Variants in ZCWPW2 observed in about 807,000 individuals in gnomAD.
ZCWPW2 encodes zinc finger CW-type PWWP domain protein 2.
In ZCWPW2, 45 loss-of-function variants were observed where a neutral mutation model predicts 46.6. That is an observed-to-expected ratio of 0.96 (90% CI 0.76 to 1.24). The LOEUF is 1.24. Ranked by LOEUF, ZCWPW2 falls within the 50% of genes most tolerant of loss-of-function variation. ZCWPW2 has a pLI of 0.00. For synonymous variants in ZCWPW2, 152 were observed against 137.1 expected, an observed-to-expected ratio of 1.11 and a Z score of -0.76; for missense variants, 429 against 403.9, an observed-to-expected ratio of 1.06 and a Z score of -0.53.
intron 4 of ZCWPW2, among the ~76,000 whole-genome samples, chr3:28,438,230 A>G (rs897973643): frequency 6.6e-6 from 1 of 152,214 alleles, no homozygotes; most frequent in Non-Finnish European, 1.5e-5. Flanking sequence ...AGCTACTGTT[A>G]TTGTAATCTC....
chr3:28,403,182 T>C (rs1392624546), intron 2 of ZCWPW2, among the ~76,000 whole-genome samples: 1 of 152,116 alleles, frequency 6.6e-6, no homozygotes, highest in Non-Finnish European at 1.5e-5. Flanking sequence ...CTAGAACTGA[T>C]AAAATAACTC....
intron 6 of ZCWPW2, among the ~76,000 whole-genome samples, chr3:28,498,237 ACGTG>A (rs746258271): frequency 8.6e-6 from 1 of 115,638 alleles, no homozygotes; most frequent in African/African-American, 3.6e-5. Flanking sequence ...ATACATATAT[ACGTG>A]TGTGTGTGTG....
chr3:28,464,281 T>G (rs1260032515), intron 4 of ZCWPW2, among the ~76,000 whole-genome samples: 3 of 152,130 alleles, frequency 2.0e-5, no homozygotes, highest in Admixed American at 6.5e-5. Flanking sequence ...TATTCCAGTT[T>G]TCAGGAGCAA....
intron 6 of ZCWPW2, among the ~76,000 whole-genome samples, chr3:28,500,319 A>C (rs1700109099): frequency 6.6e-6 from 1 of 152,126 alleles, no homozygotes; most frequent in South Asian, 2.1e-4. Context: ...TACTACATGC[A>C]TCCATGTAGA....
chr3:28,364,146 T>C (rs1239759971), intron 1 of ZCWPW2, among the ~76,000 whole-genome samples: 1 of 152,188 alleles, frequency 6.6e-6, no homozygotes, highest in African/African-American at 2.4e-5. Flanking sequence ...AGCAAAAATG[T>C]GGAATGACAG....
At chr3:28,482,494 T>A (rs1282880471) in intron 5 of ZCWPW2, among the ~76,000 whole-genome samples, 1 of 151,170 alleles carries the variant, frequency 6.6e-6, no homozygotes. Context: ...ACAGATGTTT[T>A]CAACTTCTTT....
intron 1 of ZCWPW2, among the ~76,000 whole-genome samples, chr3:28,349,408 C>T (rs1171113509): frequency 1.3e-5 from 2 of 152,136 alleles, no homozygotes; most frequent in Non-Finnish European, 2.9e-5. Context: ...TCCTCTGTAG[C>T]CTCTGTTTTC....
rs1244972187 is a variant in ZCWPW2 at position 28,365,603 on chromosome 3, T to G, written c.-134+16400T>G. 7.1e-5 allele frequency among the ~76,000 whole-genome samples: 10 copies of G among 141,134 alleles called. 1 individual carries two copies. The highest frequency in any genetic ancestry group is 2.5e-4 in the African/African-American group (10 of 39,578). 92.6% of individuals were successfully genotyped at this position (141,134 alleles called of 152,430 possible). A position where few individuals can be genotyped will look rare whatever the true frequency, so the allele number is the denominator to read the frequency against. ...CGTGATGCCTCCAGCTTTGTTCTTTTGGCTTAGGATTGACTTGGCAATGCG... is the reference window on the plus strand; with the variant it reads ...CGTGATGCCTCCAGCTTTGTTCTTTGGGCTTAGGATTGACTTGGCAATGCG... On this transcript the variant is annotated intron_variant, in intron 1 of 9. Coordinates refer to ENST00000383768, the MANE Select transcript of ZCWPW2 (RefSeq NM_001040432.4).
intron 2 of ZCWPW2, chr3:28,397,916 T>C (rs921547400): frequency 2.6e-5 from 4 of 152,202 alleles, no homozygotes; most frequent in African/African-American, 9.7e-5. Context: ...TCTGCATCAT[T>C]TCTGTTGTTC....
intron 2 of ZCWPW2, among the ~76,000 whole-genome samples, chr3:28,406,616 C>T (rs919239923): frequency 2.0e-5 from 3 of 151,942 alleles, no homozygotes; most frequent in African/African-American, 7.2e-5. Context: ...TTTTGTGATA[C>T]TCTTAGTTTT....
At chr3:28,414,012 T>G (rs1390796065) in intron 3 of ZCWPW2, among the ~76,000 whole-genome samples, 6 of 152,092 alleles carry the variant, frequency 3.9e-5, no homozygotes, top group Non-Finnish European at 1.5e-5. Flanking sequence ...TTTTCCCAAG[T>G]ATGCAGTGTG....
At chr3:28,497,097 C>A (rs1175033725) in intron 6 of ZCWPW2, among the ~76,000 whole-genome samples, 2 of 149,330 alleles carry the variant, frequency 1.3e-5, no homozygotes, top group East Asian at 4.0e-4. Flanking sequence ...AAACAAAATA[C>A]AAACTGTTAA....
intron 1 of ZCWPW2, among the ~76,000 whole-genome samples, chr3:28,387,106 G>A (rs1218501140): frequency 6.6e-6 from 1 of 152,146 alleles, no homozygotes; most frequent in Non-Finnish European, 1.5e-5. Flanking sequence ...CTTGGCCAAA[G>A]AGAGATTACC....
At chr3:28,434,631 T>G (rs900367535) in intron 3 of ZCWPW2, among the ~76,000 whole-genome samples, 1 of 152,222 alleles carries the variant, frequency 6.6e-6, no homozygotes, top group African/African-American at 2.4e-5. Flanking sequence ...CACAGCATTG[T>G]CAAAGCCTGA....
intron 1 of ZCWPW2, among the ~76,000 whole-genome samples, chr3:28,360,779 TC>T (rs1288188934): frequency 6.6e-6 from 1 of 151,640 alleles, no homozygotes; most frequent in African/African-American, 2.4e-5. Flanking sequence ...ATCCTAAAAC[TC>T]ATATGGCATG....
intron 3 of ZCWPW2, among the ~76,000 whole-genome samples, chr3:28,424,228 AACACACACACACACACACACACACAC>A (rs55725925): frequency 7.2e-6 from 1 of 138,868 alleles, no homozygotes; most frequent in Non-Finnish European, 1.6e-5. Flanking sequence ...GTCTTATTCC[AACACACACACACACACACACACACAC>A]ACACACACAC....
chr3:28,452,130 A>G (rs1252116109), intron 4 of ZCWPW2, among the ~76,000 whole-genome samples: 2 of 152,230 alleles, frequency 1.3e-5, no homozygotes, highest in Non-Finnish European at 1.5e-5. Context: ...ATAGGAAAAG[A>G]ATAAAGTTGT....
At chr3:28,502,691 A>G (rs1388501795) in intron 6 of ZCWPW2, among the ~76,000 whole-genome samples, 7 of 152,110 alleles carry the variant, frequency 4.6e-5, no homozygotes, top group Non-Finnish European at 7.4e-5. Flanking sequence ...AACTAGCTAT[A>G]AGGGGAAGTT....
intron 1 of ZCWPW2, among the ~76,000 whole-genome samples, chr3:28,378,236 A>G (rs1385624307): frequency 1.3e-5 from 2 of 152,034 alleles, no homozygotes; most frequent in African/African-American, 4.8e-5. Flanking sequence ...TGAAAGTTAA[A>G]TATACATCAT....
Sources: allele counts gnomAD v4.1 joint callset (sites outside exome capture counted in the v4.1 genomes callset), GRCh38; gene constraint gnomAD v4.1.1; transcripts MANE v1.5; gene names NCBI Gene and HGNC (gene_info 2026-07-23, HGNC 2026-07-21).